Variants in GDF6 observed in about 807,000 individuals in gnomAD.
The protein encoded by GDF6 is growth/differentiation factor 6.
A neutral mutation model predicts 32.4 loss-of-function variants in GDF6; 3 were observed. The ratio of observed to expected loss-of-function variants is 0.09; its 90% CI spans 0.04 to 0.24. The LOEUF is 0.24. Among genes scored for constraint, GDF6 ranks in the 10% least tolerant of loss-of-function variants. The probability of loss-of-function intolerance (pLI) is 1.00; values close to 1 mark genes in which losing one functional copy is unlikely to be tolerated. For missense variants in GDF6, 589 were observed against 637.9 expected, an observed-to-expected ratio of 0.92 and a Z score of 0.83; for synonymous variants, 296 against 295.3, an observed-to-expected ratio of 1.00 and a Z score of -0.03.
At chr8:96,148,305 A>G (rs1409245919) in intron 1 of GDF6, among the ~76,000 whole-genome samples, 6 of 152,202 alleles carry the variant, frequency 3.9e-5, no homozygotes, top group Non-Finnish European at 8.8e-5. Flanking sequence ...AGGTGCACAC[A>G]TCAGTGGTTC....
At chr8:96,153,916 T>G (rs1192315299) in intron 1 of GDF6, among the ~76,000 whole-genome samples, 2 of 152,090 alleles carry the variant, frequency 1.3e-5, no homozygotes, top group African/African-American at 2.4e-5. Context: ...GGTCTGACTT[T>G]CGAAACAATT....
intron 1 of GDF6, among the ~76,000 whole-genome samples, chr8:96,146,361 A>G (rs529934622): frequency 7.9e-5 from 12 of 151,360 alleles, no homozygotes; most frequent in Non-Finnish European, 1.5e-4. Flanking sequence ...TTTAACTCCA[A>G]GATGACTTAA....
chr8:96,156,512 G>A (rs571091966), intron 1 of GDF6, among the ~76,000 whole-genome samples: 7 of 152,106 alleles, frequency 4.6e-5, no homozygotes, highest in African/African-American at 1.4e-4. Flanking sequence ...AGGCCCCAGG[G>A]CTGGGGGTCC....
intron 1 of GDF6, among the ~76,000 whole-genome samples, chr8:96,156,676 C>G: frequency 6.6e-6 from 1 of 152,136 alleles, no homozygotes; most frequent in East Asian, 1.9e-4. Flanking sequence ...ATTTTTAAAG[C>G]ACAATATAAG....
At chr8:96,158,329 G>A (rs1211963995) in intron 1 of GDF6, among the ~76,000 whole-genome samples, 2 of 152,204 alleles carry the variant, frequency 1.3e-5, no homozygotes, top group Non-Finnish European at 2.9e-5. Flanking sequence ...GGGGTGGGGA[G>A]GCTACAGGGC....
At position 96,142,574 on chromosome 8, in the gene GDF6, T is replaced by G. The variant is rs1335962152; in HGVS notation, c.*1989A>C. Reference sequence around the variant, plus strand: ...ATGAAATATCTGATTAATGCTTAACTTTGTACAACTCGAATATAAACTTTA... The same window carrying G: ...ATGAAATATCTGATTAATGCTTAACGTTGTACAACTCGAATATAAACTTTA... On this transcript the variant is annotated 3_prime_UTR_variant, in exon 2 of 2. Transcript: ENST00000287020. 1 of 152,676 alleles carries G rather than the reference T, an allele frequency of 6.5e-6. No individual in the cohort carries two copies. The highest frequency in any genetic ancestry group is 2.4e-5 in the African/African-American group (1 of 41,468). The allele number at this position is 152,676 out of a possible 1,614,324, so 9.5% of individuals were successfully genotyped here.
chr8:96,143,157 C>A lies in GDF6; in HGVS notation c.*1406G>T, dbSNP rs1812401398. 6.6e-6 allele frequency: 1 copy of A among 152,286 alleles called. No individual in the cohort carries two copies. The highest frequency in any genetic ancestry group is 6.5e-5 in the Admixed American group (1 of 15,284). 9.4% of individuals were successfully genotyped at this position (152,286 alleles called of 1,614,324 possible). On this transcript the variant is annotated 3_prime_UTR_variant, in exon 2 of 2. Transcript: ENST00000287020. Reference sequence around the variant, plus strand: ...CCTGTCTCCTTCCTCACTGCCTGTTCCCCATCTCCCACCCCAAGCTCAATG... The same window carrying A: ...CCTGTCTCCTTCCTCACTGCCTGTTACCCATCTCCCACCCCAAGCTCAATG...
intron 1 of GDF6, 149 bp downstream of exon 1, chr8:96,160,138 A>C: frequency 1.2e-6 from 1 of 864,866 alleles, no homozygotes; most frequent in Non-Finnish European, 2.0e-6. Context: ...TCAGAAACTT[A>C]CTCGAGCTTG....
chr8:96,144,281 A>T lies in GDF6; in HGVS notation c.*282T>A. ...GAGAGAGAGAGAGAGAGAGAGAGAG[A>T]GAGAGAGAGAAAACAGAACAAAAGA... On this transcript the variant is annotated 3_prime_UTR_variant, in exon 2 of 2. Coordinates refer to ENST00000287020, the MANE Select transcript of GDF6 (RefSeq NM_001001557.4). The surrounding 1 kb of genome is among the most constrained non-coding windows in gnomAD (Gnocchi z 5.1). 2.1e-6 allele frequency: 1 copy of T among 487,206 alleles called. No individual in the cohort carries two copies. Among genetic ancestry groups the T allele is most frequent in the South Asian group, 2.1e-5 (1 of 47,820 alleles). The allele number at this position is 487,206 out of a possible 1,614,324, so 30.2% of individuals were successfully genotyped here. A position where few individuals can be genotyped will look rare whatever the true frequency, so the allele number is the denominator to read the frequency against.
chr8:96,158,092 C>T (rs1222872556), intron 1 of GDF6, among the ~76,000 whole-genome samples: 1 of 152,204 alleles, frequency 6.6e-6, no homozygotes, highest in Non-Finnish European at 1.5e-5. Context: ...GAGGAGACAG[C>T]GCCTTTGAAG....
intron 1 of GDF6, among the ~76,000 whole-genome samples, chr8:96,151,692 G>A (rs1220717186): frequency 1.3e-5 from 2 of 152,230 alleles, no homozygotes; most frequent in African/African-American, 4.8e-5. Flanking sequence ...CCACAGAGGG[G>A]TGCAAATGAG....
At chr8:96,157,829 T>C (rs1336420115) in intron 1 of GDF6, among the ~76,000 whole-genome samples, 1 of 152,124 alleles carries the variant, frequency 6.6e-6, no homozygotes, top group African/African-American at 2.4e-5. Context: ...AGGGGCCCGA[T>C]GCTAAGCAAG....
In GDF6 at chr8:96,143,974, C is replaced by CT. The variant is rs1195623562; in HGVS notation, c.*588dup. The CT allele has an allele frequency of 6.2e-6, 1 of 160,598 alleles. No individual in the cohort carries two copies. The highest frequency in any genetic ancestry group is 5.7e-5 in the Admixed American group (1 of 17,488). 9.9% of individuals were successfully genotyped at this position (160,598 alleles called of 1,614,324 possible). A position where few individuals can be genotyped will look rare whatever the true frequency, so the allele number is the denominator to read the frequency against. On this transcript the variant is annotated 3_prime_UTR_variant, in exon 2 of 2. Transcript: ENST00000287020. ...CAGGACCATTCCTGACTTAACTATTCTTTTTGCCAATTTCCCTATCTAACA... is the reference window on the plus strand; with the variant it reads ...CAGGACCATTCCTGACTTAACTATTCTTTTTTGCCAATTTCCCTATCTAACA...
intron 1 of GDF6, among the ~76,000 whole-genome samples, chr8:96,151,636 G>A (rs1812570511): frequency 6.6e-6 from 1 of 152,190 alleles, no homozygotes; most frequent in Non-Finnish European, 1.5e-5. Flanking sequence ...AAGAAATGTC[G>A]ATGATTGGAC....
Position 96,160,439 on chromosome 8 carries a change from G to C in GDF6, c.254C>G (p.Pro85Arg). 1 of 1,613,886 alleles carries C rather than the reference G, an allele frequency of 6.2e-7. No individual in the cohort carries two copies. The highest frequency in any genetic ancestry group is 8.5e-7 in the Non-Finnish European group (1 of 1,179,880). The change falls in exon 1 of 2, where the codon CCG (proline) becomes CGG (arginine). Residue 85 changes from proline (P) to arginine (R), a missense_variant. Pro to Arg is a moderately radical substitution (Grantham distance 103). Around this residue, in one of 2 missense-constraint regions of GDF6, gnomAD observed 436 missense variants for 411.2 expected, o/e 1.06. Transcript: ENST00000287020. ...CACCACGCGCGGACCCCTGCCTGGCGGCTCCTGCGCCCGGGGCTGCTGAGC... is the reference window on the plus strand; with the variant it reads ...CACCACGCGCGGACCCCTGCCTGGCCGCTCCTGCGCCCGGGGCTGCTGAGC... Reference protein sequence around the residue: ...PRAQQPRAQEPPGRGPRVVPH... With the variant: ...PRAQQPRAQERPGRGPRVVPH...
intron 1 of GDF6, among the ~76,000 whole-genome samples, chr8:96,146,707 C>CACAGAGAGAGAGAGAGAGAGAGAG (rs367654279): frequency 1.4e-5 from 2 of 140,022 alleles, no homozygotes; most frequent in African/African-American, 5.7e-5. Flanking sequence ...CACACACACA[C>CACAGAGAGAGAGAGAGAGAGAGAG]AGAGAGAGAG....
At chr8:96,151,275 A>G (rs1197678852) in intron 1 of GDF6, among the ~76,000 whole-genome samples, 2 of 152,250 alleles carry the variant, frequency 1.3e-5, no homozygotes, top group Non-Finnish European at 2.9e-5. Flanking sequence ...ATCCCCCAGC[A>G]TAATAATCGT....
intron 1 of GDF6, among the ~76,000 whole-genome samples, chr8:96,150,331 C>G (rs913621173): frequency 6.6e-6 from 1 of 152,276 alleles, no homozygotes; most frequent in Non-Finnish European, 1.5e-5. Context: ...GACTAGGCCA[C>G]TGTCCAGAAA....
rs771172804 is a variant in GDF6, at chr8:96,143,425, C to A, written c.*1138G>T. On this transcript the variant is annotated 3_prime_UTR_variant, in exon 2 of 2. Coordinates refer to ENST00000287020, the MANE Select transcript of GDF6 (RefSeq NM_001001557.4). ...GGCTCCTGGCCTGTCCCTTGATCCC[C>A]ATCCTCCCTGAGGCCCACCATCTTC... 1 of 152,676 alleles carries A rather than the reference C, an allele frequency of 6.5e-6. No homozygotes were observed. Among genetic ancestry groups the A allele is most frequent in the East Asian group, 1.9e-4 (1 of 5,186 alleles). 9.5% of individuals were successfully genotyped at this position (152,676 alleles called of 1,614,324 possible). A position where few individuals can be genotyped will look rare whatever the true frequency, so the allele number is the denominator to read the frequency against.
Sources: gnomAD v4.1 joint callset for allele counts (sites outside exome capture counted in the v4.1 genomes callset) on GRCh38, gnomAD v4.1.1 for gene constraint, gnomAD v4.1.1 regional missense constraint, Gnocchi (gnomAD v3.1) non-coding constraint, MANE v1.5 for transcripts, NCBI Gene and HGNC (gene_info 2026-07-23, HGNC 2026-07-21) for gene names.